The following RHOBTB2 variants were observed in gnomAD, a reference collection of about 807,000 sequenced individuals.
RHOBTB2 encodes rho-related BTB domain-containing protein 2.
In RHOBTB2, 39 loss-of-function variants were observed where a neutral mutation model predicts 66.5. The ratio of observed to expected loss-of-function variants is 0.59; its 90% CI spans 0.45 to 0.77. The LOEUF (loss-of-function observed/expected upper bound fraction) is 0.77. Among genes scored for constraint, RHOBTB2 ranks in the 30% least tolerant of loss-of-function variants. The probability of loss-of-function intolerance (pLI) is 0.00; values close to 1 mark genes in which losing one functional copy is unlikely to be tolerated. For synonymous variants in RHOBTB2, 390 were observed against 395.0 expected (o/e 0.99, Z 0.15); for missense variants, 755 against 999.1 (o/e 0.76, Z 3.29).
At chr8:22,996,561 G>C (rs143675821), upstream of RHOBTB2, among the ~76,000 whole-genome samples, 15,930 of 108,868 alleles carry the variant, frequency 0.15, 1,161 homozygotes, top group African/African-American at 0.28. Context: ...GTGTGTGTGT[G>C]TGTGTGTCTG....
chr8:22,979,136 C>A, the RHOBTB2 span, among the ~76,000 whole-genome samples: 13 of 152,094 alleles, frequency 8.5e-5, no homozygotes, highest in Non-Finnish European at 1.6e-4. Context: ...CTAAGAAAAA[C>A]AAAATCCACC....
In RHOBTB2 at chr8:23,017,365, A is replaced by C; in HGVS notation, c.2080A>C (p.Lys694Gln). The change falls in exon 10 of 10, where the codon AAG becomes CAG. Residue 694 changes from lysine (K) to glutamine (Q), a missense_variant. Lys to Gln is a moderately conservative substitution (Grantham distance 53). Coordinates refer to ENST00000251822, the MANE Select transcript of RHOBTB2 (RefSeq NM_015178.3). This position sits in a 1 kb window ranked among gnomAD's most constrained non-coding sequence, Gnocchi z 5.3. ...TGAGAAGGAGGACTACCTCCACCTC[A>C]AGCGGCAGCCCAAACGGCGTTGGCT... ...EREKEDYLHL[K>Q]RQPKRRWLFW... 1.2e-6 allele frequency: 2 copies of C among 1,614,186 alleles called. No homozygotes were observed. Among genetic ancestry groups the C allele is most frequent in the Non-Finnish European group, 1.7e-6 (2 of 1,180,038 alleles).
At position 23,017,340 on chromosome 8, in the gene RHOBTB2, T is replaced by C. The variant is rs1038140057; in HGVS notation, c.2055T>C (p.Arg685=). The change falls in exon 10 of 10, where the codon CGT becomes CGC. Residue 685 remains arginine, a synonymous_variant. Transcript: ENST00000251822. This position sits in a 1 kb window ranked among gnomAD's most constrained non-coding sequence, Gnocchi z 5.3. ...EDHYQRARKE[R]EKEDYLHLKR... ...ATTACCAGCGGGCACGGAAGGAGCG[T>C]GAGAAGGAGGACTACCTCCACCTCA... 5 of 1,614,026 alleles carry C rather than the reference T, an allele frequency of 3.1e-6. No homozygotes were observed. The African/African-American group carries it at 5.3e-5, about 17-fold the overall frequency.
upstream of RHOBTB2, among the ~76,000 whole-genome samples, chr8:22,997,451 C>CG (rs1305798463): frequency 8.5e-5 from 13 of 152,156 alleles, no homozygotes; most frequent in East Asian, 2.5e-3. Context: ...GTGAGCGGGG[C>CG]GGGGCGGGGG....
At chr8:22,975,974 C>T in the RHOBTB2 span, among the ~76,000 whole-genome samples, 1 of 151,844 alleles carries the variant, frequency 6.6e-6, no homozygotes, top group South Asian at 2.1e-4. Context: ...GGTGAAACAC[C>T]GTCTCTACTA....
chr8:22,978,492 A>C, the RHOBTB2 span, among the ~76,000 whole-genome samples: 22 of 151,066 alleles, frequency 1.5e-4, no homozygotes, highest in East Asian at 1.5e-3. Flanking sequence ...TCTCAAAAAA[A>C]AAAAAAACAA....
chr8:23,014,874 G>T, intron 8 of RHOBTB2, 96 bp downstream of exon 8: 1 of 959,152 alleles, frequency 1.0e-6, no homozygotes, highest in Non-Finnish European at 1.6e-6. Flanking sequence ...TGGTCTATGC[G>T]GGAGAACCTG....
chr8:22,961,026 T>C, the RHOBTB2 span, among the ~76,000 whole-genome samples: 121,615 of 152,104 alleles, frequency 0.8, 49,252 homozygotes, highest in East Asian at 0.93. Context: ...AGAATGCTTC[T>C]GTACCTGAGT....
the RHOBTB2 span, among the ~76,000 whole-genome samples, chr8:22,951,529 T>G: frequency 1.3e-5 from 2 of 152,110 alleles, no homozygotes; most frequent in African/African-American, 4.8e-5. Context: ...GGTTTTGGGA[T>G]AGGCGGTGGA....
At chr8:22,957,577 G>C in the RHOBTB2 span, among the ~76,000 whole-genome samples, 1 of 152,186 alleles carries the variant, frequency 6.6e-6, no homozygotes, top group Admixed American at 6.5e-5. Flanking sequence ...GGACCAAACT[G>C]AGGGTTGGGC....
chr8:22,966,121 T>C, the RHOBTB2 span, among the ~76,000 whole-genome samples: 2 of 151,560 alleles, frequency 1.3e-5, no homozygotes, highest in Non-Finnish European at 2.9e-5. Context: ...GAGGCCGAGG[T>C]GGGCAGATCA....
intron 1 of RHOBTB2, among the ~76,000 whole-genome samples, chr8:22,991,571 G>A (rs1030652602): frequency 1.1e-4 from 16 of 152,178 alleles, no homozygotes; most frequent in African/African-American, 3.9e-4. Flanking sequence ...CAGGGCCAGA[G>A]ACCCCTCAGG....
At chr8:22,966,550 C>T in the RHOBTB2 span, among the ~76,000 whole-genome samples, 1 of 151,452 alleles carries the variant, frequency 6.6e-6, no homozygotes, top group East Asian at 1.9e-4. Flanking sequence ...TTTGGGAAGC[C>T]AGGGTCGGAG....
intron 1 of RHOBTB2, among the ~76,000 whole-genome samples, chr8:23,002,901 C>G (rs569832548): frequency 6.6e-6 from 1 of 152,198 alleles, no homozygotes; most frequent in Non-Finnish European, 1.5e-5. Flanking sequence ...TGCATCCACT[C>G]GCACGGATCC....
At chr8:22,960,511 G>A in the RHOBTB2 span, among the ~76,000 whole-genome samples, 1 of 152,038 alleles carries the variant, frequency 6.6e-6, no homozygotes. Context: ...TAGAGGTGGG[G>A]TTTCACCATG....
rs1039590958 is a variant in RHOBTB2 at position 23,005,290 on chromosome 8, C to T, written c.193-82C>T. 1.2e-4 allele frequency: 127 copies of T among 1,032,824 alleles called. 3 individuals carry two copies. The South Asian group carries it at 1.6e-3, about 13-fold the overall frequency. 64.0% of individuals were successfully genotyped at this position (1,032,824 alleles called of 1,614,324 possible). ...AGTGATGTCTGGGGCCCCCAGGTGT[C>T]AGCCGGCGCTTATCCTGAGGTGGCA... On this transcript the variant is annotated intron_variant, in intron 2 of 9. Transcript: ENST00000251822.
chr8:22,969,425 A>G, the RHOBTB2 span, among the ~76,000 whole-genome samples: 1 of 152,258 alleles, frequency 6.6e-6, no homozygotes, highest in Non-Finnish European at 1.5e-5. Flanking sequence ...AAAGAAAGCC[A>G]TTATAAACCA....
upstream of RHOBTB2, among the ~76,000 whole-genome samples, chr8:22,983,946 A>G (rs1041840215): frequency 2.6e-5 from 4 of 152,060 alleles, no homozygotes; most frequent in African/African-American, 9.7e-5. Context: ...ATGTTGGCCA[A>G]GATGGTCTCG....
chr8:23,002,521 G>A lies in RHOBTB2; in HGVS notation c.-10-1904G>A, dbSNP rs1244737766. Among the ~76,000 whole-genome samples the A allele has an allele frequency of 7.9e-5, 12 of 152,012 alleles. 1 individual carries two copies. Among genetic ancestry groups the A allele is most frequent in the African/African-American group, 2.2e-4 (9 of 41,362 alleles). On this transcript the variant is annotated intron_variant, in intron 1 of 9. Coordinates refer to ENST00000251822, the MANE Select transcript of RHOBTB2 (RefSeq NM_015178.3). Reference sequence around the variant, plus strand: ...AGCCTGACCAACATGGCGAAACCCCGTATCTACTAAAAATACAAAATTAGC... The same window carrying A: ...AGCCTGACCAACATGGCGAAACCCCATATCTACTAAAAATACAAAATTAGC...
Sources: gnomAD v4.1 joint callset for allele counts (sites outside exome capture counted in the v4.1 genomes callset) on GRCh38, gnomAD v4.1.1 for gene constraint, Gnocchi (gnomAD v3.1) non-coding constraint, MANE v1.5 for transcripts, NCBI Gene and HGNC (gene_info 2026-07-23, HGNC 2026-07-21) for gene names.